The following ARHGEF18 variants were observed in gnomAD, a reference collection of about 807,000 sequenced individuals.
ARHGEF18 encodes rho guanine nucleotide exchange factor 18.
ARHGEF18 carries 93 observed loss-of-function variants against 155.7 expected under a neutral mutation model. The ratio of observed to expected loss-of-function variants is 0.60; its 90% CI spans 0.50 to 0.71. The LOEUF (loss-of-function observed/expected upper bound fraction) is 0.71, where lower values mean the gene tolerates loss of function less well. ARHGEF18 is among the 30% of genes least tolerant of loss of function. The pLI, the probability that ARHGEF18 is intolerant of heterozygous loss-of-function variation, is 0.00. For synonymous variants in ARHGEF18, 742 were observed against 753.1 expected (o/e 0.99, Z 0.24); for missense variants, 1,593 against 1,816.1 (o/e 0.88, Z 2.23).
intron 3 of ARHGEF18, 27 bp from the exon 4 acceptor site, chr19:7,375,693 G>A (rs1970430636): frequency 8.1e-7 from 1 of 1,234,064 alleles, no homozygotes; most frequent in Non-Finnish European, 1.0e-6. Flanking sequence ...ACCTGCTGAA[G>A]CCCCAGTACC....
chr19:7,425,238 A>G lies in ARHGEF18; in HGVS notation c.968-15106A>G, dbSNP rs114725325. Among the ~76,000 whole-genome samples the G allele has an allele frequency of 1.4e-3, 207 of 152,140 alleles. 2 individuals carry two copies. Among genetic ancestry groups the G allele is most frequent in the African/African-American group, 4.0e-3 (166 of 41,522 alleles). ...AATGCCCCTAAGGTGACTCACCTAT[A>G]GCAGTTTACCTTAGTTCTTATCTTC... On this transcript the variant is annotated intron_variant, in intron 10 of 28. Coordinates refer to ENST00000668164, the MANE Select transcript of ARHGEF18 (RefSeq NM_001367823.1).
At chr19:7,456,902 T>A (rs913352148) in intron 18 of ARHGEF18, among the ~76,000 whole-genome samples, 1 of 151,996 alleles carries the variant, frequency 6.6e-6, no homozygotes, top group Non-Finnish European at 1.5e-5. Context: ...GCCTGGCTAA[T>A]TTTTTGTATT....
Position 7,470,530 on chromosome 19 carries a change from C to A in ARHGEF18, c.*232C>A. On this transcript the variant is annotated 3_prime_UTR_variant, in exon 29 of 29. Transcript: ENST00000668164. This position sits in a 1 kb window ranked among gnomAD's most constrained non-coding sequence, Gnocchi z 5.9. The stretch of plus-strand genomic sequence containing the variant: ...TTTCTGAATCTCTTTTTTTTTTTTT[C>A]AAAAAGGAAAGTTTTTAATGGAAAG... The A allele has an allele frequency of 5.1e-6, 2 of 392,710 alleles. No individual in the cohort carries two copies. Among genetic ancestry groups the A allele is most frequent in the Non-Finnish European group, 8.7e-6 (2 of 230,176 alleles). 24.3% of individuals were successfully genotyped at this position (392,710 alleles called of 1,614,324 possible). A position where few individuals can be genotyped will look rare whatever the true frequency, so the allele number is the denominator to read the frequency against.
At chr19:7,354,419 TG>T (rs535254659) in intron 1 of ARHGEF18, among the ~76,000 whole-genome samples, 23 of 151,750 alleles carry the variant, frequency 1.5e-4, no homozygotes, top group African/African-American at 5.3e-4. Context: ...TGTAAACAAT[TG>T]GGAGACTGAA....
At chr19:7,425,041 G>A (rs1278235629) in intron 10 of ARHGEF18, among the ~76,000 whole-genome samples, 1 of 151,468 alleles carries the variant, frequency 6.6e-6, no homozygotes, top group East Asian at 1.9e-4. Flanking sequence ...TGCTATAGGT[G>A]ATATTTCTTC....
At chr19:7,402,828 G>A (rs1048754993) in intron 10 of ARHGEF18, among the ~76,000 whole-genome samples, 5 of 152,152 alleles carry the variant, frequency 3.3e-5, no homozygotes, top group Non-Finnish European at 7.4e-5. Context: ...ACCATCCAGT[G>A]TGACAAAGTG....
chr19:7,401,753 T>C (rs1393069375), intron 10 of ARHGEF18, among the ~76,000 whole-genome samples: 1 of 152,126 alleles, frequency 6.6e-6, no homozygotes, highest in Non-Finnish European at 1.5e-5. Flanking sequence ...AATGAAAACA[T>C]AGGTCTACAC....
intron 10 of ARHGEF18, among the ~76,000 whole-genome samples, chr19:7,403,140 A>G (rs1972105178): frequency 6.6e-6 from 1 of 152,126 alleles, no homozygotes; most frequent in South Asian, 2.1e-4. Flanking sequence ...CAGCCTCCCA[A>G]GTAGCTGGGG....
chr19:7,380,003 A>AT (rs11326216), intron 7 of ARHGEF18, among the ~76,000 whole-genome samples: 165 of 147,868 alleles, frequency 1.1e-3, no homozygotes, highest in East Asian at 2.8e-3. Flanking sequence ...TGTCTGTATA[A>AT]TTTTTTTTTT....
downstream of ARHGEF18, chr19:7,477,262 TGAG>T: frequency 6.3e-7 from 1 of 1,584,476 alleles, no homozygotes; most frequent in Non-Finnish European, 8.6e-7. Flanking sequence ...TGCTGAGGAT[TGAG>T]GAGATGGTGC....
downstream of ARHGEF18, among the ~76,000 whole-genome samples, chr19:7,474,307 C>T (rs1977164624): frequency 6.6e-6 from 1 of 151,702 alleles, no homozygotes; most frequent in Non-Finnish European, 1.5e-5. Flanking sequence ...GATTGCACTC[C>T]AGCCTGGGGG....
intron 7 of ARHGEF18, among the ~76,000 whole-genome samples, chr19:7,380,234 T>G (rs1262837400): frequency 2.6e-5 from 4 of 151,616 alleles, no homozygotes; most frequent in Admixed American, 2.6e-4. Context: ...ATCCCAGCAC[T>G]TTGGGAGGCC....
intron 10 of ARHGEF18, among the ~76,000 whole-genome samples, chr19:7,404,228 C>T (rs780411441): frequency 7.9e-5 from 12 of 152,092 alleles, no homozygotes; most frequent in African/African-American, 2.2e-4. Flanking sequence ...GCCCTGGGGC[C>T]GTTTCACTGA....
rs138441305 is a variant in ARHGEF18, at chr19:7,405,177, T to C, written c.967+21974T>C. 5.0e-3 allele frequency among the ~76,000 whole-genome samples: 754 copies of C among 152,314 alleles called. 2 individuals carry two copies. Among genetic ancestry groups the C allele is most frequent in the South Asian group, 0.01 (50 of 4,828 alleles). On this transcript the variant is annotated intron_variant, in intron 10 of 28. Coordinates refer to ENST00000668164, the MANE Select transcript of ARHGEF18 (RefSeq NM_001367823.1). ...TTTCACCATGTCAGTCAGGCTGGTC[T>C]CAAACTCCTGACCTCAGGCAATCCG... is the stretch of plus-strand genomic sequence containing the variant.
At chr19:7,359,096 G>C (rs543888660) in intron 1 of ARHGEF18, among the ~76,000 whole-genome samples, 7 of 152,266 alleles carry the variant, frequency 4.6e-5, no homozygotes, top group Non-Finnish European at 8.8e-5. Flanking sequence ...AGAGATACCA[G>C]GAGAATGGTG....
At chr19:7,415,341 A>G (rs1972941760) in intron 10 of ARHGEF18, among the ~76,000 whole-genome samples, 1 of 150,748 alleles carries the variant, frequency 6.6e-6, no homozygotes. Context: ...CGAGCCCGCC[A>G]CTCTGCCCCC....
At chr19:7,378,342 T>C in intron 5 of ARHGEF18, 52 bp from the exon 6 acceptor site, 1 of 1,223,168 alleles carries the variant, frequency 8.2e-7, no homozygotes, top group Non-Finnish European at 1.0e-6. Flanking sequence ...GGGCTGGTCC[T>C]GTCCCAGAGC....
intron 1 of ARHGEF18, among the ~76,000 whole-genome samples, chr19:7,357,927 T>G (rs542300614): frequency 1.6e-4 from 25 of 152,156 alleles, no homozygotes; most frequent in Non-Finnish European, 3.2e-4. Context: ...CTCGCTCACC[T>G]TGGTTTCCTT....
intron 8 of ARHGEF18, 33 bp downstream of exon 8, chr19:7,381,027 G>T: frequency 8.1e-7 from 1 of 1,228,432 alleles, no homozygotes; most frequent in East Asian, 3.2e-5. Context: ...GGGGAGGGCA[G>T]CCTTGGATTC....
Sources: allele counts gnomAD v4.1 joint callset (sites outside exome capture counted in the v4.1 genomes callset), GRCh38; gene constraint gnomAD v4.1.1; non-coding constraint Gnocchi (gnomAD v3.1); transcripts MANE v1.5; gene names NCBI Gene and HGNC (gene_info 2026-07-23, HGNC 2026-07-21).